MAN2A1: variants seen among roughly 807,000 people sequenced by gnomAD.
MAN2A1 encodes alpha-mannosidase 2.
A neutral mutation model predicts 142.6 loss-of-function variants in MAN2A1; 76 were observed. The observed-to-expected ratio is 0.53, with a 90% CI of 0.44 to 0.65. MAN2A1 has a LOEUF of 0.65. Among genes scored for constraint, MAN2A1 ranks in the 30% least tolerant of loss-of-function variants. The pLI, the probability that MAN2A1 is intolerant of heterozygous loss-of-function variation, is 0.00. For missense variants in MAN2A1, 1,311 were observed against 1,365.1 expected (o/e 0.96, Z 0.62); for synonymous variants, 559 against 473.2 (o/e 1.18, Z -2.35).
At chr5:109,814,534 T>G (rs1402012394) in intron 12 of MAN2A1, among the ~76,000 whole-genome samples, 4 of 152,206 alleles carry the variant, frequency 2.6e-5, no homozygotes, top group Admixed American at 2.6e-4. Context: ...TCTCTAATCA[T>G]GTTAAAAATT....
intron 8 of MAN2A1, among the ~76,000 whole-genome samples, chr5:109,781,125 C>T (rs1283943195): frequency 1.3e-5 from 2 of 152,062 alleles, no homozygotes; most frequent in Non-Finnish European, 2.9e-5. Context: ...TAGGAGTTTT[C>T]ATATTCACTG....
intron 16 of MAN2A1, among the ~76,000 whole-genome samples, chr5:109,828,291 A>G (rs1203849686): frequency 6.6e-6 from 1 of 152,180 alleles, no homozygotes; most frequent in East Asian, 1.9e-4. Context: ...TTCTTGCAGT[A>G]TAATCATCTT....
chr5:109,867,051 T>G lies in MAN2A1; in HGVS notation c.*53T>G. The stretch of plus-strand genomic sequence containing the variant: ...TCATTGGCTTTTATACCTTTCTTGG[T>G]TTGACGTGCAATAAAGAAGCACATT... On this transcript the variant is annotated 3_prime_UTR_variant, in exon 22 of 22. Transcript: ENST00000261483. 1.4e-6 allele frequency: 2 copies of G among 1,469,532 alleles called. No homozygotes were observed. Among genetic ancestry groups the G allele is most frequent in the Non-Finnish European group, 1.9e-6 (2 of 1,077,610 alleles). The allele number at this position is 1,469,532 out of a possible 1,614,324, so 91.0% of individuals were successfully genotyped here. A position where few individuals can be genotyped will look rare whatever the true frequency, so the allele number is the denominator to read the frequency against.
At chr5:109,823,865 A>G (rs753232081) in intron 16 of MAN2A1, 28 bp downstream of exon 16, 1 of 1,145,744 alleles carries the variant, frequency 8.7e-7, no homozygotes, top group Non-Finnish European at 1.2e-6. Context: ...CAGTTATGAA[A>G]CATATGTATT....
At chr5:109,844,780 G>A (rs1437894533) in intron 17 of MAN2A1, among the ~76,000 whole-genome samples, 1 of 152,132 alleles carries the variant, frequency 6.6e-6, no homozygotes, top group Non-Finnish European at 1.5e-5. Flanking sequence ...TATGCCTCTT[G>A]TATCTGTCTG....
chr5:109,755,308 C>G, intron 4 of MAN2A1, 21 bp from the exon 5 acceptor site: 1 of 1,589,152 alleles, frequency 6.3e-7, no homozygotes, highest in Admixed American at 1.7e-5. Flanking sequence ...TTAATGTAGA[C>G]TCTTGTTATT....
chr5:109,729,775 C>G (rs1751849792), intron 4 of MAN2A1, among the ~76,000 whole-genome samples: 1 of 152,086 alleles, frequency 6.6e-6, no homozygotes, highest in Non-Finnish European at 1.5e-5. Context: ...GGCGGATCAC[C>G]TGAGGGCAGG....
At chr5:109,765,536 C>T (rs1403037149) in intron 5 of MAN2A1, among the ~76,000 whole-genome samples, 1 of 152,120 alleles carries the variant, frequency 6.6e-6, no homozygotes, top group African/African-American at 2.4e-5. Context: ...AGTTTCTCCA[C>T]TGTGTTAAAT....
Position 109,820,568 on chromosome 5 carries a change from G to A in MAN2A1, c.2451+226G>A, listed in dbSNP as rs552720244. Among the ~76,000 whole-genome samples the A allele has an allele frequency of 4.1e-4, 63 of 152,256 alleles. 1 individual carries two copies. The highest frequency in any genetic ancestry group is 6.8e-3 in the Middle Eastern group (2 of 294). ...TCACACCTGTAATCCCAGCATTTTG[G>A]GAGGCCAAGGAGGGTAGATTGCTTG... On this transcript the variant is annotated intron_variant, in intron 15 of 21. Transcript: ENST00000261483.
intron 1 of MAN2A1, among the ~76,000 whole-genome samples, chr5:109,692,126 G>T (rs558288357): frequency 1.3e-5 from 2 of 152,140 alleles, no homozygotes; most frequent in Non-Finnish European, 2.9e-5. Flanking sequence ...TGGGTTTTCT[G>T]GCAACCTTGA....
chr5:109,752,512 A>G (rs1752574361), intron 4 of MAN2A1, among the ~76,000 whole-genome samples: 1 of 152,160 alleles, frequency 6.6e-6, no homozygotes, highest in Non-Finnish European at 1.5e-5. Context: ...AATGGTGGGT[A>G]GAGGTCGGGA....
intron 12 of MAN2A1, among the ~76,000 whole-genome samples, chr5:109,793,940 A>G (rs537473754): frequency 1.3e-5 from 2 of 152,272 alleles, no homozygotes; most frequent in Admixed American, 1.3e-4. Flanking sequence ...CTAATTATCT[A>G]TTAGTTTAAT....
At chr5:109,707,326 G>T (rs943675143) in intron 1 of MAN2A1, among the ~76,000 whole-genome samples, 1 of 151,998 alleles carries the variant, frequency 6.6e-6, no homozygotes, top group Non-Finnish European at 1.5e-5. Flanking sequence ...TTTGGTGTGG[G>T]TTTGTATGCC....
At chr5:109,856,939 A>T (rs1367405580) in intron 20 of MAN2A1, among the ~76,000 whole-genome samples, 1 of 152,236 alleles carries the variant, frequency 6.6e-6, no homozygotes, top group Non-Finnish European at 1.5e-5. Flanking sequence ...AAGAAAAAGT[A>T]AGAGAAATAT....
intron 16 of MAN2A1, among the ~76,000 whole-genome samples, chr5:109,832,754 C>T (rs1308604569): frequency 6.6e-6 from 1 of 150,912 alleles, no homozygotes; most frequent in African/African-American, 2.4e-5. Context: ...GATGGGGCGG[C>T]TGGCCGGGCC....
chr5:109,822,750 T>C (rs1013782169), intron 15 of MAN2A1, among the ~76,000 whole-genome samples: 8 of 152,042 alleles, frequency 5.3e-5, no homozygotes, highest in African/African-American at 1.9e-4. Flanking sequence ...CGATCTCAGC[T>C]CACTGCAAGC....
At chr5:109,859,865 T>A (rs150190985) in intron 20 of MAN2A1, among the ~76,000 whole-genome samples, 104 of 150,324 alleles carry the variant, frequency 6.9e-4, no homozygotes, top group Admixed American at 2.9e-3. Flanking sequence ...AAATGTGATA[T>A]GTAGTTCAGC....
At chr5:109,718,141 C>T (rs1751506241) in intron 3 of MAN2A1, among the ~76,000 whole-genome samples, 2 of 152,136 alleles carry the variant, frequency 1.3e-5, no homozygotes, top group South Asian at 2.1e-4. Context: ...TAGTTTAATT[C>T]TTGTTACTTA....
chr5:109,731,343 G>A (rs1367815230), intron 4 of MAN2A1, among the ~76,000 whole-genome samples: 4 of 146,790 alleles, frequency 2.7e-5, no homozygotes, highest in African/African-American at 7.7e-5. Flanking sequence ...ATTAAAAATA[G>A]GAAAGCGTGT....
Sources: allele counts gnomAD v4.1 joint callset (sites outside exome capture counted in the v4.1 genomes callset), GRCh38; gene constraint gnomAD v4.1.1; transcripts MANE v1.5; gene names NCBI Gene and HGNC (gene_info 2026-07-23, HGNC 2026-07-21).